PCNX2: variants seen among roughly 807,000 people sequenced by gnomAD.
PCNX2 encodes pecanex 2.
Under a neutral mutation model 223.8 loss-of-function variants are expected in PCNX2, and 168 were observed. The observed-to-expected ratio is 0.75, with a 90% confidence interval of 0.66 to 0.85. The LOEUF (loss-of-function observed/expected upper bound fraction) is 0.85. PCNX2 is among the 40% of genes least tolerant of loss of function. The pLI is 0.00. For missense variants in PCNX2, 2,507 were observed against 2,675.5 expected (o/e 0.94, Z 1.39); for synonymous variants, 1,006 against 1,052.6 (o/e 0.96, Z 0.86).
At chr1:233,090,617 C>CT (rs1289106593) in intron 22 of PCNX2, among the ~76,000 whole-genome samples, 16 of 152,186 alleles carry the variant, frequency 1.1e-4, no homozygotes, top group Non-Finnish European at 2.9e-5. Context: ...GGTAGCATCT[C>CT]TGTTTCTTGA....
At chr1:233,311,241 T>A in the PCNX2 span, among the ~76,000 whole-genome samples, 3 of 152,214 alleles carry the variant, frequency 2.0e-5, no homozygotes, top group South Asian at 6.2e-4. Context: ...AATAGTGTAC[T>A]AATATAATAA....
intron 33 of PCNX2, chr1:232,985,731 T>G (rs1669449815): frequency 5.7e-6 from 3 of 522,520 alleles, no homozygotes; most frequent in Non-Finnish European, 1.0e-5. Flanking sequence ...TTCCTCTCCC[T>G]CAGGCCAGAA....
chr1:233,127,293 C>A (rs1483268802), intron 21 of PCNX2, among the ~76,000 whole-genome samples: 1 of 152,170 alleles, frequency 6.6e-6, no homozygotes, highest in African/African-American at 2.4e-5. Context: ...ATCCACTCCC[C>A]TTTCCAGGTT....
chr1:233,281,286 G>A (rs1661181430), intron 1 of PCNX2, among the ~76,000 whole-genome samples: 1 of 152,208 alleles, frequency 6.6e-6, no homozygotes, highest in Non-Finnish European at 1.5e-5. Flanking sequence ...GACAAGTCTA[G>A]CCTAGAAAGA....
intron 17 of PCNX2, among the ~76,000 whole-genome samples, chr1:233,174,023 T>C (rs1045227870): frequency 7.6e-6 from 1 of 132,098 alleles, no homozygotes; most frequent in Non-Finnish European, 1.7e-5. Flanking sequence ...CTATTTTGCT[T>C]TTCATTTTAT....
rs1178445241 is a variant in PCNX2, at chr1:232,990,208, A to G, written c.5792-3668T>C. On this transcript the variant is annotated intron_variant, in intron 32 of 33. Coordinates refer to ENST00000258229, the MANE Select transcript of PCNX2 (RefSeq NM_014801.4). The surrounding 1 kb of genome is among the most constrained non-coding windows in gnomAD (Gnocchi z 4.3). ...GAATGGCAGGTAGGTGGTTTCCGCA[A>G]AGTGTCCCGGGCAGGGCCAGGCAGA... is the stretch of plus-strand genomic sequence containing the variant. Among the ~76,000 whole-genome samples the G allele has an allele frequency of 6.6e-6, 1 of 152,166 alleles. No homozygotes were observed. The highest frequency in any genetic ancestry group is 1.5e-5 in the Non-Finnish European group (1 of 68,026).
At chr1:233,252,304 G>GC in intron 7 of PCNX2, 50 bp downstream of exon 7, 1 of 1,558,074 alleles carries the variant, frequency 6.4e-7, no homozygotes. Flanking sequence ...TCCTGAGAAA[G>GC]CTGACAGTTT....
the PCNX2 span, among the ~76,000 whole-genome samples, chr1:233,324,214 C>A: frequency 1.3e-5 from 2 of 152,198 alleles, no homozygotes; most frequent in African/African-American, 4.8e-5. Flanking sequence ...GAAGTCATCT[C>A]AACGTAAAAG....
At chr1:233,010,316 A>T (rs1670422720) in intron 28 of PCNX2, among the ~76,000 whole-genome samples, 1 of 152,352 alleles carries the variant, frequency 6.6e-6, no homozygotes, top group Non-Finnish European at 1.5e-5. Context: ...TCCTGCAACA[A>T]GGCAGCATGC....
At chr1:233,273,726 C>T (rs1327587919) in intron 1 of PCNX2, among the ~76,000 whole-genome samples, 2 of 151,714 alleles carry the variant, frequency 1.3e-5, no homozygotes, top group African/African-American at 4.8e-5. Flanking sequence ...CGGGTTCAAG[C>T]GATTCTCCTG....
intron 13 of PCNX2, among the ~76,000 whole-genome samples, chr1:233,205,174 G>T (rs1681370090): frequency 6.6e-6 from 1 of 152,054 alleles, no homozygotes; most frequent in Admixed American, 6.5e-5. Context: ...TAAAAACCAG[G>T]AATGAGGGAG....
At chr1:233,053,658 C>A (rs1409819840) in intron 25 of PCNX2, among the ~76,000 whole-genome samples, 2 of 152,186 alleles carry the variant, frequency 1.3e-5, no homozygotes, top group Non-Finnish European at 2.9e-5. Context: ...GCAACAGGTA[C>A]ATCACTTATG....
intron 25 of PCNX2, among the ~76,000 whole-genome samples, chr1:233,035,873 C>A (rs12071611): frequency 3.2e-3 from 481 of 152,164 alleles, no homozygotes; most frequent in African/African-American, 0.011. Flanking sequence ...TCAGCCCCAG[C>A]GAGCTTCCTT....
At chr1:233,117,320 A>C (rs1384287705) in intron 21 of PCNX2, among the ~76,000 whole-genome samples, 1 of 152,176 alleles carries the variant, frequency 6.6e-6, no homozygotes, top group African/African-American at 2.4e-5. Flanking sequence ...AACCAGACAA[A>C]GACAATACAC....
chr1:233,235,955 A>ATATATATATAT (rs1553319628), intron 9 of PCNX2, among the ~76,000 whole-genome samples: 29 of 41,492 alleles, frequency 7.0e-4, no homozygotes, highest in African/African-American at 2.0e-3. Context: ...ATCATAAAAA[A>ATATATATATAT]AAATATATAT....
chr1:233,057,447 G>A (rs1341841737), intron 23 of PCNX2, 157 bp from the exon 24 acceptor site: 6 of 629,138 alleles, frequency 9.5e-6, no homozygotes, highest in Non-Finnish European at 1.7e-5. Flanking sequence ...AGGAAGAGAG[G>A]AGTCTCATGA....
intron 1 of PCNX2, among the ~76,000 whole-genome samples, chr1:233,287,072 T>C (rs1661489409): frequency 6.6e-6 from 1 of 152,178 alleles, no homozygotes; most frequent in Non-Finnish European, 1.5e-5. Flanking sequence ...AAAACTCCTG[T>C]CCAAGGCAAA....
intron 13 of PCNX2, among the ~76,000 whole-genome samples, chr1:233,202,715 A>G (rs1681196319): frequency 6.6e-6 from 1 of 152,236 alleles, no homozygotes; most frequent in Admixed American, 6.5e-5. Flanking sequence ...CTCCAAAGTT[A>G]CAGTCTCCGT....
At chr1:233,209,368 A>T (rs1236675440) in intron 12 of PCNX2, among the ~76,000 whole-genome samples, 2 of 152,210 alleles carry the variant, frequency 1.3e-5, no homozygotes, top group Non-Finnish European at 2.9e-5. Context: ...TTGAATTGAG[A>T]GAAAAATTAA....
Sources: gnomAD v4.1 joint callset for allele counts (sites outside exome capture counted in the v4.1 genomes callset) on GRCh38, gnomAD v4.1.1 for gene constraint, Gnocchi (gnomAD v3.1) non-coding constraint, MANE v1.5 for transcripts, NCBI Gene and HGNC (gene_info 2026-07-23, HGNC 2026-07-21) for gene names.